The following ZNF569 variants were observed in gnomAD, a reference collection of about 807,000 sequenced individuals.
ZNF569 encodes the protein zinc finger protein 569, also known as DNA-binding protein.
In ZNF569, 38 loss-of-function variants were observed where a neutral mutation model predicts 56.3. That is an observed-to-expected ratio of 0.68 (90% CI 0.52 to 0.88). The LOEUF (loss-of-function observed/expected upper bound fraction) is 0.88. Among genes scored for constraint, ZNF569 ranks in the 40% least tolerant of loss-of-function variants. The probability of loss-of-function intolerance (pLI) is 0.00; values close to 1 mark genes in which losing one functional copy is unlikely to be tolerated. For missense variants in ZNF569, 666 were observed against 809.2 expected (o/e 0.82, Z 2.15); for synonymous variants, 241 against 262.9 (o/e 0.92, Z 0.81).
At chr19:37,433,730 T>C (rs2041262269) in intron 3 of ZNF569, among the ~76,000 whole-genome samples, 1 of 152,156 alleles carries the variant, frequency 6.6e-6, no homozygotes, top group African/African-American at 2.4e-5. Flanking sequence ...AAAAAAACTT[T>C]TATGCTAGAA....
intron 5 of ZNF569, among the ~76,000 whole-genome samples, chr19:37,419,969 CTTTTTT>C (rs60568702): frequency 2.1e-4 from 21 of 100,620 alleles, no homozygotes; most frequent in Admixed American, 4.8e-4. Context: ...TCTTTTCTTT[CTTTTTT>C]TTTTTTTTTT....
intron 4 of ZNF569, 74 bp from the exon 5 acceptor site, chr19:37,426,037 C>G: frequency 1.3e-6 from 2 of 1,492,212 alleles, no homozygotes; most frequent in Non-Finnish European, 1.9e-6. Context: ...TGAGGCTGGC[C>G]CAGGAAAACC....
At position 37,412,321 on chromosome 19, in the gene ZNF569, G is replaced by T; in HGVS notation, c.*276C>A. The T allele has an allele frequency of 2.8e-6, 1 of 356,884 alleles. No homozygotes were observed. Among genetic ancestry groups the T allele is most frequent in the East Asian group, 4.8e-5 (1 of 20,652 alleles). 22.1% of individuals were successfully genotyped at this position (356,884 alleles called of 1,614,324 possible). On this transcript the variant is annotated 3_prime_UTR_variant, in exon 6 of 6. Coordinates refer to ENST00000316950, the MANE Select transcript of ZNF569 (RefSeq NM_152484.3). ...CATTGGCTAGGAGCTCAAGTGTTGT[G>T]TTGTTATGCTGATGGAAGATACCTT...
chr19:37,457,764 G>A (rs1233405196), intron 2 of ZNF569, among the ~76,000 whole-genome samples: 2 of 152,012 alleles, frequency 1.3e-5, no homozygotes, highest in African/African-American at 2.4e-5. Flanking sequence ...TGCAGCACAC[G>A]AACATGGGAC....
chr19:37,428,875 GT>G (rs1241268992), intron 3 of ZNF569, among the ~76,000 whole-genome samples: 1 of 151,802 alleles, frequency 6.6e-6, no homozygotes, highest in African/African-American at 2.4e-5. Flanking sequence ...GTGTTCCCAT[GT>G]TGGCCAAGCT....
At chr19:37,459,232 T>G (rs1443241949) in intron 2 of ZNF569, among the ~76,000 whole-genome samples, 1 of 147,060 alleles carries the variant, frequency 6.8e-6, no homozygotes, top group African/African-American at 2.5e-5. Context: ...GCAAGATAAA[T>G]ACCAAAAAAA....
intron 5 of ZNF569, among the ~76,000 whole-genome samples, chr19:37,419,318 T>C (rs181617177): frequency 2.0e-3 from 309 of 152,276 alleles, no homozygotes; most frequent in Non-Finnish European, 3.6e-3. Flanking sequence ...AATCTACAAA[T>C]CAATAATTCA....
Position 37,456,170 on chromosome 19 carries a change from CT to C in ZNF569, c.-44+9142del, listed in dbSNP as rs1461704102. ...ACATTCTACTTCTAGATCATTCCAA[CT>C]TTTTTTTTCCTCTGTAGAAAGTTTT... is the stretch of plus-strand genomic sequence containing the variant. On this transcript the variant is annotated intron_variant, in intron 2 of 5. Coordinates refer to ENST00000316950, the MANE Select transcript of ZNF569 (RefSeq NM_152484.3). Among the ~76,000 whole-genome samples the C allele has an allele frequency of 5.9e-5, 9 of 151,800 alleles. No individual in the cohort carries two copies. The East Asian group carries it at 1.5e-3, about 26-fold the overall frequency.
chr19:37,448,271 A>T (rs946849517), intron 2 of ZNF569, among the ~76,000 whole-genome samples: 1 of 152,074 alleles, frequency 6.6e-6, no homozygotes, highest in Non-Finnish European at 1.5e-5. Flanking sequence ...ACAACTATTC[A>T]GGTTATTTCT....
chr19:37,415,726 A>G (rs1465142218), intron 5 of ZNF569, among the ~76,000 whole-genome samples: 1 of 151,414 alleles, frequency 6.6e-6, no homozygotes, highest in Non-Finnish European at 1.5e-5. Context: ...AAAAAAAAAA[A>G]AAAATTAGCT....
intron 2 of ZNF569, among the ~76,000 whole-genome samples, chr19:37,459,252 G>A (rs1316535663): frequency 1.3e-5 from 2 of 151,288 alleles, no homozygotes; most frequent in African/African-American, 2.4e-5. Flanking sequence ...AACCACACGT[G>A]TATATCATAT....
At chr19:37,433,955 AATGTT>A (rs1420492975) in intron 3 of ZNF569, among the ~76,000 whole-genome samples, 1 of 152,206 alleles carries the variant, frequency 6.6e-6, no homozygotes, top group East Asian at 1.9e-4. Flanking sequence ...GAAAATGCAG[AATGTT>A]ATAACACTGT....
chr19:37,454,790 A>T, intron 2 of ZNF569: 1 of 699,148 alleles, frequency 1.4e-6, no homozygotes, highest in Non-Finnish European at 2.6e-6. Flanking sequence ...TGACATTCAC[A>T]CTTTAAAAAT....
At position 37,413,633 on chromosome 19, in the gene ZNF569, G is replaced by A; in HGVS notation, c.1025C>T (p.Ala342Val). Residue 342 changes from alanine to valine, a missense_variant, in exon 6 of 6, where the codon GCT becomes GTT. Physicochemically the swap from Ala to Val is moderately conservative, Grantham distance 64 (BLOSUM62 0). Coordinates refer to ENST00000316950, the MANE Select transcript of ZNF569 (RefSeq NM_152484.3). Reference sequence around the variant, plus strand: ...TCCTGTATGACTTCTCATATGAAGAGCAAGGGATGCAATTCGAGGGAAGGC... The same window carrying A: ...TCCTGTATGACTTCTCATATGAAGAACAAGGGATGCAATTCGAGGGAAGGC... The part of the protein sequence containing the change: ...GKAFPRIASL[A>V]LHMRSHTGEK... 6.2e-7 allele frequency: 1 copy of A among 1,613,778 alleles called. No individual in the cohort carries two copies. Among genetic ancestry groups the A allele is most frequent in the Non-Finnish European group, 8.5e-7 (1 of 1,179,912 alleles).
intron 3 of ZNF569, among the ~76,000 whole-genome samples, chr19:37,442,620 A>G (rs1274397004): frequency 3.9e-5 from 6 of 152,210 alleles, no homozygotes; most frequent in Non-Finnish European, 2.9e-5. Context: ...GATGGTCAGG[A>G]GTGGATACAG....
At chr19:37,467,586 T>A (rs578115949), upstream of ZNF569, 234 of 466,864 alleles carry the variant, frequency 5.0e-4, 2 homozygotes, top group Admixed American at 3.6e-3. Flanking sequence ...TTTAGTTCCG[T>A]CTTTTTGGGT....
chr19:37,419,577 A>T (rs2040994586), intron 5 of ZNF569, among the ~76,000 whole-genome samples: 1 of 152,082 alleles, frequency 6.6e-6, no homozygotes, highest in Non-Finnish European at 1.5e-5. Context: ...CAAAAAAATT[A>T]GCCGGGCGTG....
chr19:37,413,182 T>C lies in ZNF569; in HGVS notation c.1476A>G (p.Lys492=). 1 of 1,606,376 alleles carries C rather than the reference T, an allele frequency of 6.2e-7. No homozygotes were observed. The highest frequency in any genetic ancestry group is 1.1e-5 in the South Asian group (1 of 89,542). The part of the protein sequence containing the change: ...IAHEKIHSGE[K]PYECNECGKA... The stretch of plus-strand genomic sequence containing the variant: ...TACCACATTCATTGCATTCATAGGG[T>C]TTCTCTCCAGAATGAATTTTTTCAT... Residue 492 remains lysine (K), a synonymous_variant, in exon 6 of 6, where the codon AAA becomes AAG. Transcript: ENST00000316950.
intron 1 of ZNF569, among the ~76,000 whole-genome samples, chr19:37,466,128 A>G (rs1263429986): frequency 6.6e-6 from 1 of 152,202 alleles, no homozygotes; most frequent in Non-Finnish European, 1.5e-5. Context: ...TTTTGACAGT[A>G]GTTGCATGGC....
Sources: gnomAD v4.1 joint callset for allele counts (sites outside exome capture counted in the v4.1 genomes callset) on GRCh38, gnomAD v4.1.1 for gene constraint, MANE v1.5 for transcripts, NCBI Gene and HGNC (gene_info 2026-07-23, HGNC 2026-07-21) for gene names.